SLC25A36: variants seen among roughly 807,000 people sequenced by gnomAD.
SLC25A36 encodes the protein solute carrier family 25 member 36.
Under a neutral mutation model 35.3 loss-of-function variants are expected in SLC25A36, and 24 were observed. That is an observed-to-expected ratio of 0.68 (90% CI 0.49 to 0.96). The LOEUF (loss-of-function observed/expected upper bound fraction) is 0.96. Ranked by LOEUF, SLC25A36 falls within the 40% of genes least tolerant of loss-of-function variation. The pLI is 0.00. For synonymous variants in SLC25A36, 141 were observed against 132.2 expected (o/e 1.07, Z -0.46); for missense variants, 294 against 381.1 (o/e 0.77, Z 1.90).
chr3:140,945,088 G>C (rs923451918), intron 1 of SLC25A36, among the ~76,000 whole-genome samples: 2 of 152,118 alleles, frequency 1.3e-5, no homozygotes, highest in African/African-American at 2.4e-5. Context: ...CAGTCCTGAA[G>C]GCTGGGAAGT....
At chr3:140,972,792 CCATT>C (rs1333896641) in intron 5 of SLC25A36, 2 of 152,046 alleles carry the variant, frequency 1.3e-5, no homozygotes, top group African/African-American at 4.8e-5. Context: ...TAAAGACAAT[CCATT>C]CATAAAACTG....
chr3:140,964,094 A>G (rs1279874484), intron 4 of SLC25A36: 5 of 151,994 alleles, frequency 3.3e-5, no homozygotes, highest in African/African-American at 4.8e-5. Context: ...TTCATCAGCT[A>G]TTGATCAATA....
chr3:140,954,259 T>C (rs547110126), intron 1 of SLC25A36, among the ~76,000 whole-genome samples: 1 of 152,366 alleles, frequency 6.6e-6, no homozygotes, highest in East Asian at 1.9e-4. Context: ...AGTATTCTAT[T>C]ATATAGTTGT....
chr3:140,943,071 A>T (rs996526604), intron 1 of SLC25A36, among the ~76,000 whole-genome samples: 19 of 152,196 alleles, frequency 1.2e-4, no homozygotes, highest in African/African-American at 4.6e-4. Flanking sequence ...CTTCCAGTTT[A>T]GCCTCCTGTT....
intron 6 of SLC25A36, among the ~76,000 whole-genome samples, chr3:140,975,795 T>C (rs1343476987): frequency 6.6e-6 from 1 of 152,254 alleles, no homozygotes; most frequent in Admixed American, 6.5e-5. Flanking sequence ...TTTGTCCACA[T>C]GATGTTTCAC....
Position 140,942,068 on chromosome 3 carries a change from A to G in SLC25A36, c.14A>G (p.Asp5Gly). Residue 5 changes from aspartate (D) to glycine (G), a missense_variant, in exon 1 of 7, where the codon GAC (aspartate) becomes GGC (glycine). This residue lies in a region of SLC25A36 where 185 missense variants were observed against 201.5 expected (regional missense o/e 0.92). Transcript: ENST00000324194. MSQR[D>G]TLVHLFAGGC... The stretch of plus-strand genomic sequence containing the variant: ...GCGGGAGAGAGAATGAGCCAGAGGG[A>G]CACGCTGGTGCATCTGTTTGCCGGA... 6.7e-7 allele frequency: 1 copy of G among 1,489,846 alleles called. No individual in the cohort carries two copies. Among genetic ancestry groups the G allele is most frequent in the East Asian group, 2.8e-5 (1 of 36,080 alleles). 92.3% of individuals were successfully genotyped at this position (1,489,846 alleles called of 1,614,324 possible).
At chr3:140,971,487 C>T (rs927756710) in intron 5 of SLC25A36, among the ~76,000 whole-genome samples, 4 of 152,188 alleles carry the variant, frequency 2.6e-5, no homozygotes, top group African/African-American at 9.7e-5. Flanking sequence ...AAGATTCATT[C>T]ATTCAACAAA....
chr3:140,945,606 A>G lies in SLC25A36; in HGVS notation c.41+3511A>G, dbSNP rs560412280. Among the ~76,000 whole-genome samples the G allele has an allele frequency of 8.5e-5, 13 of 152,312 alleles. No individual in the cohort carries two copies. In the East Asian group the frequency reaches 2.3e-3, roughly 27 times the overall value. On this transcript the variant is annotated intron_variant, in intron 1 of 6. Coordinates refer to ENST00000324194, the MANE Select transcript of SLC25A36 (RefSeq NM_001104647.3). Reference sequence around the variant, plus strand: ...AAAACTATTTTCATAAAAATACATTATTGGCACAAATTTGTTGACATTTGT... The same window carrying G: ...AAAACTATTTTCATAAAAATACATTGTTGGCACAAATTTGTTGACATTTGT...
intron 1 of SLC25A36, among the ~76,000 whole-genome samples, chr3:140,945,944 G>A (rs2107778157): frequency 6.6e-6 from 1 of 152,142 alleles, no homozygotes; most frequent in African/African-American, 2.4e-5. Flanking sequence ...TTTTCATGGA[G>A]TCAGCCATGG....
chr3:140,946,428 G>A (rs1418947308), intron 1 of SLC25A36, among the ~76,000 whole-genome samples: 1 of 152,162 alleles, frequency 6.6e-6, no homozygotes. Context: ...TGAAATGGGA[G>A]GAGTCATAGA....
At chr3:140,953,421 C>T (rs1424785349) in intron 1 of SLC25A36, among the ~76,000 whole-genome samples, 1 of 150,502 alleles carries the variant, frequency 6.6e-6, no homozygotes, top group African/African-American at 2.5e-5. Context: ...ATTTTTTCAA[C>T]TGCCTATTTA....
In SLC25A36 at chr3:140,970,043, A is replaced by G. The variant is rs551513512; in HGVS notation, c.386-884A>G. ...TATAAGTTTCTGTCATCAAGACTGT[A>G]TTTTGTGTGCTATTTTTCCATAGCT... On this transcript the variant is annotated intron_variant, in intron 4 of 6. Transcript: ENST00000324194. Among the ~76,000 whole-genome samples the G allele has an allele frequency of 8.0e-4, 122 of 152,006 alleles. 1 individual carries two copies. The highest frequency in any genetic ancestry group is 2.9e-3 in the African/African-American group (121 of 41,548).
intron 1 of SLC25A36, among the ~76,000 whole-genome samples, chr3:140,954,224 A>G (rs1159788141): frequency 1.3e-5 from 2 of 152,218 alleles, no homozygotes; most frequent in African/African-American, 4.8e-5. Context: ...AGATTTACCC[A>G]GGTGGTGGCT....
chr3:140,956,476 AACTT>A, intron 1 of SLC25A36, 47 bp from the exon 2 acceptor site: 2 of 1,481,712 alleles, frequency 1.3e-6, no homozygotes, highest in South Asian at 3.0e-5. Flanking sequence ...CATATATACT[AACTT>A]ATGAATTAAG....
At chr3:140,944,819 A>T (rs1258576259) in intron 1 of SLC25A36, among the ~76,000 whole-genome samples, 1 of 152,184 alleles carries the variant, frequency 6.6e-6, no homozygotes, top group Non-Finnish European at 1.5e-5. Context: ...ATTATTATTT[A>T]TTCAGTAGGA....
intron 1 of SLC25A36, among the ~76,000 whole-genome samples, chr3:140,948,852 T>C (rs372410995): frequency 2.0e-5 from 3 of 152,340 alleles, no homozygotes; most frequent in African/African-American, 7.2e-5. Flanking sequence ...AATGGGGTTT[T>C]ATGTCTATGT....
At chr3:140,951,895 G>T (rs544204468) in intron 1 of SLC25A36, among the ~76,000 whole-genome samples, 1 of 152,152 alleles carries the variant, frequency 6.6e-6, no homozygotes, top group East Asian at 1.9e-4. Context: ...GTGTGATAGT[G>T]CAATCACAGC....
At chr3:140,970,742 A>G (rs1166058873) in intron 4 of SLC25A36, 185 bp from the exon 5 acceptor site, 2 of 423,922 alleles carry the variant, frequency 4.7e-6, no homozygotes, top group East Asian at 7.9e-5. Flanking sequence ...ACAGAATTTG[A>G]GAATTCATAT....
intron 1 of SLC25A36, among the ~76,000 whole-genome samples, chr3:140,943,378 C>A (rs1419498125): frequency 1.3e-5 from 2 of 152,218 alleles, no homozygotes; most frequent in Non-Finnish European, 2.9e-5. Context: ...ATTTGTTGTA[C>A]ACCAATTATG....
Sources: allele counts gnomAD v4.1 joint callset (sites outside exome capture counted in the v4.1 genomes callset), GRCh38; gene constraint gnomAD v4.1.1; regional missense constraint gnomAD v4.1.1; transcripts MANE v1.5; gene names NCBI Gene and HGNC (gene_info 2026-07-23, HGNC 2026-07-21).